SGO1: variants seen among roughly 807,000 people sequenced by gnomAD.
SGO1 encodes serologically defined breast cancer antigen NY-BR-85.
SGO1 carries 39 observed loss-of-function variants against 50.5 expected under a neutral mutation model. The ratio of observed to expected loss-of-function variants is 0.77; its 90% confidence interval spans 0.60 to 1.01. The LOEUF (loss-of-function observed/expected upper bound fraction) is 1.01. Among genes scored for constraint, SGO1 ranks in the 50% least tolerant of loss-of-function variants. The probability of loss-of-function intolerance (pLI) is 0.00; values close to 1 mark genes in which losing one functional copy is unlikely to be tolerated. For missense variants in SGO1, 638 were observed against 606.0 expected (o/e 1.05, Z -0.55); for synonymous variants, 191 against 205.1 (o/e 0.93, Z 0.59).
chr3:20,174,211 G>T (rs200549744), intron 6 of SGO1, 38 bp downstream of exon 6: 2 of 1,484,958 alleles, frequency 1.3e-6, no homozygotes, highest in Admixed American at 1.7e-5. Flanking sequence ...CATTTATCAC[G>T]AACATTAAAA....
In SGO1 at chr3:20,170,711, A is replaced by G. The variant is rs755106059; in HGVS notation, c.1577T>C (p.Ile526Thr). Reference sequence around the variant, plus strand: ...CAATATCCAACAAAACCTTCATTGTATTTGTTTCATACTTTTTTTAGAACG... The same window carrying G: ...CAATATCCAACAAAACCTTCATTGTGTTTGTTTCATACTTTTTTTAGAACG... ...LRRSKKSMKQ[I>T]Q Residue 526 changes from isoleucine to threonine, a missense_variant, in exon 8 of 8, where the codon ATA becomes ACA. Physicochemically the swap from Ile to Thr is moderately conservative, Grantham distance 89 (BLOSUM62 -1). Coordinates refer to ENST00000412997, the MANE Select transcript of SGO1 (RefSeq NM_001199251.3). 3 of 1,582,118 alleles carry G rather than the reference A, an allele frequency of 1.9e-6. No homozygotes were observed. The highest frequency in any genetic ancestry group is 1.7e-4 in the Middle Eastern group (1 of 5,864).
intron 7 of SGO1, 51 bp downstream of exon 7, chr3:20,170,992 T>G: frequency 6.6e-7 from 1 of 1,518,930 alleles, no homozygotes; most frequent in Non-Finnish European, 8.8e-7. Context: ...ATAACCTTAT[T>G]CCCCCCGACA....
intron 8 of SGO1, among the ~76,000 whole-genome samples, chr3:20,163,490 C>T (rs776472825): frequency 3.3e-5 from 5 of 152,176 alleles, no homozygotes; most frequent in Non-Finnish European, 5.9e-5. Flanking sequence ...TAACATCACA[C>T]GTAGGATTGC....
chr3:20,161,040 G>T (rs1227920623), exon 9 of SGO1: 6 of 1,606,800 alleles, frequency 3.7e-6, no homozygotes, highest in Non-Finnish European at 4.2e-6. Flanking sequence ...ATCTATTAAA[G>T]GTCTGCATAC....
Position 20,174,594 on chromosome 3 carries a change from T to C in SGO1, c.937A>G (p.Lys313Glu). The change falls in exon 6 of 8, where the codon AAA becomes GAA. Residue 313 changes from lysine to glutamate, a missense_variant. Transcript: ENST00000412997. Reference protein sequence around the residue: ...SKRMSKYKENKSENKKTVPQK... With the variant: ...SKRMSKYKENESENKKTVPQK... ...GGAACAGTTTTTTTATTTTCGCTTT[T>C]ATTCTCTTTATATTTTGACATACGT... The C allele has an allele frequency of 6.2e-7, 1 of 1,601,910 alleles. No homozygotes were observed. Among genetic ancestry groups the C allele is most frequent in the Non-Finnish European group, 8.5e-7 (1 of 1,175,994 alleles).
chr3:20,176,771 T>C lies in SGO1; in HGVS notation c.417-112A>G, dbSNP rs1476164134. On this transcript the variant is annotated intron_variant, in intron 4 of 7. Coordinates refer to ENST00000412997, the MANE Select transcript of SGO1 (RefSeq NM_001199251.3). ...CCTTTAGTATCATTTCATAATTCGA[T>C]TTCAAATCAATACATCTATTCTGTA... 5.9e-6 allele frequency: 4 copies of C among 683,708 alleles called. No individual in the cohort carries two copies. The East Asian group carries it at 1.2e-4, about 20-fold the overall frequency. The allele number at this position is 683,708 out of a possible 1,614,324, so 42.4% of individuals were successfully genotyped here.
rs1701129059 is a variant in SGO1, at chr3:20,174,439, A to G, written c.1092T>C (p.Ser364=). The change falls in exon 6 of 8, where the codon TCT becomes TCC. Residue 364 remains serine (S), a synonymous_variant. Transcript: ENST00000412997. ...CACTTGATTCACAGAGGCTCACTTC[A>G]GACTCGTTGTTTTCTTCTCTATTAG... is the stretch of plus-strand genomic sequence containing the variant. The part of the protein sequence containing the change: ...NDSNREENNE[S]EVSLCESSGS... 3 of 1,614,040 alleles carry G rather than the reference A, an allele frequency of 1.9e-6. No individual in the cohort carries two copies. Among genetic ancestry groups the G allele is most frequent in the Non-Finnish European group, 1.7e-6 (2 of 1,180,050 alleles).
In SGO1 at chr3:20,178,353, A is replaced by C; in HGVS notation, c.340-6T>G. 1 of 1,595,722 alleles carries C rather than the reference A, an allele frequency of 6.3e-7. No homozygotes were observed. Among genetic ancestry groups the C allele is most frequent in the Non-Finnish European group, 8.6e-7 (1 of 1,163,722 alleles). The stretch of plus-strand genomic sequence containing the variant: ...GAGGAACATATTTCCTGGTTCTGTT[A>C]ATGTATTAAAACAAAACACTGTTAT... On this transcript the variant is annotated splice_polypyrimidine_tract_variant and splice_region_variant and intron_variant, in intron 3 of 7. Coordinates refer to ENST00000412997, the MANE Select transcript of SGO1 (RefSeq NM_001199251.3).
intron 1 of SGO1, 101 bp from the exon 2 acceptor site, chr3:20,184,135 G>C (rs981976206): frequency 2.3e-5 from 20 of 869,014 alleles, no homozygotes; most frequent in Admixed American, 3.5e-5. Context: ...AGACTAAACT[G>C]TAGAATTAGC....
rs1395204113 is a variant in SGO1, at chr3:20,169,788, A to G, written c.*916T>C. The G allele has an allele frequency of 5.2e-6, 5 of 962,490 alleles. No individual in the cohort carries two copies. The highest frequency in any genetic ancestry group is 6.2e-6 in the Non-Finnish European group (5 of 809,008). The allele number at this position is 962,490 out of a possible 1,614,324, so 59.6% of individuals were successfully genotyped here. A position where few individuals can be genotyped will look rare whatever the true frequency, so the allele number is the denominator to read the frequency against. ...TATCTTGTCCCTGAGCCTAAAAAAG[A>G]ATCAATTTCTCTAGTCATTTTCCCA... On this transcript the variant is annotated 3_prime_UTR_variant, in exon 8 of 8. Coordinates refer to ENST00000412997, the MANE Select transcript of SGO1 (RefSeq NM_001199251.3).
chr3:20,170,893 A>G (rs1416201812), intron 7 of SGO1, 78 bp from the exon 8 acceptor site: 2 of 1,513,176 alleles, frequency 1.3e-6, no homozygotes, highest in Middle Eastern at 1.7e-4. Flanking sequence ...AAGTTATGGT[A>G]AAACACACCA....
At chr3:20,172,909 T>C (rs1172396255) in intron 6 of SGO1, among the ~76,000 whole-genome samples, 3 of 151,464 alleles carry the variant, frequency 2.0e-5, no homozygotes, top group African/African-American at 4.9e-5. Context: ...GAGACTGCAG[T>C]GAGCCATGAC....
At chr3:20,185,024 A>C (rs1476544775) in intron 1 of SGO1, among the ~76,000 whole-genome samples, 1 of 152,110 alleles carries the variant, frequency 6.6e-6, no homozygotes, top group Non-Finnish European at 1.5e-5. Context: ...ATTTTCCTAA[A>C]CCTTACACTT....
intron 1 of SGO1, among the ~76,000 whole-genome samples, chr3:20,185,279 TTTAG>T (rs1230967466): frequency 2.0e-5 from 3 of 152,008 alleles, no homozygotes; most frequent in Non-Finnish European, 4.4e-5. Context: ...ACGGATCTAG[TTTAG>T]TTAAGGTATT....
chr3:20,174,981 CATT>C lies in SGO1; in HGVS notation c.547_549del (p.Asn183del). 1 of 1,609,918 alleles carries C rather than the reference CATT, an allele frequency of 6.2e-7. No individual in the cohort carries two copies. The highest frequency in any genetic ancestry group is 8.5e-7 in the Non-Finnish European group (1 of 1,177,738). On this transcript the variant is annotated inframe_deletion, in exon 6 of 8. Transcript: ENST00000412997. ...CGAACAGATACAGTTCTAGGTAAGA[CATT>C]ATCAGTAGACTTAGCTTCACCTGAA...
intron 6 of SGO1, among the ~76,000 whole-genome samples, chr3:20,173,350 G>A (rs1420886950): frequency 6.6e-6 from 1 of 151,990 alleles, no homozygotes; most frequent in Admixed American, 6.6e-5. Flanking sequence ...ATGTTGGCCA[G>A]GCTGGTCTTG....
In SGO1 at chr3:20,169,500, T is replaced by C. The variant is rs1376364503; in HGVS notation, c.*1204A>G. On this transcript the variant is annotated 3_prime_UTR_variant, in exon 8 of 8. Transcript: ENST00000412997. ...AGCAATCACTATCTTATACAAACTT[T>C]ATTGCTCTTTAAAAATGAATAACCT... 2.0e-6 allele frequency: 2 copies of C among 979,726 alleles called. No individual in the cohort carries two copies. Among genetic ancestry groups the C allele is most frequent in the African/African-American group, 1.8e-5 (1 of 57,094 alleles). 60.7% of individuals were successfully genotyped at this position (979,726 alleles called of 1,614,324 possible). A position where few individuals can be genotyped will look rare whatever the true frequency, so the allele number is the denominator to read the frequency against.
Position 20,183,874 on chromosome 3 carries a change from A to C in SGO1, c.142+12T>G, listed in dbSNP as rs373201096. The C allele has an allele frequency of 3.2e-5, 52 of 1,604,314 alleles. No individual in the cohort carries two copies. The African/African-American group carries it at 6.1e-4, about 19-fold the overall frequency. On this transcript the variant is annotated intron_variant, in intron 2 of 7. Coordinates refer to ENST00000412997, the MANE Select transcript of SGO1 (RefSeq NM_001199251.3). ...AAAAGTGATATAAAAGGACAACATAAAAATCTCTTACTGATTATTTGGCAT... is the reference window on the plus strand; with the variant it reads ...AAAAGTGATATAAAAGGACAACATACAAATCTCTTACTGATTATTTGGCAT...
chr3:20,177,420 G>A (rs182736926), intron 4 of SGO1, among the ~76,000 whole-genome samples: 14 of 152,292 alleles, frequency 9.2e-5, no homozygotes, highest in Admixed American at 7.8e-4. Context: ...TACTTCTGTG[G>A]AGAAGGGGAT....
Sources: gnomAD v4.1 joint callset for allele counts (sites outside exome capture counted in the v4.1 genomes callset) on GRCh38, gnomAD v4.1.1 for gene constraint, MANE v1.5 for transcripts, NCBI Gene and HGNC (gene_info 2026-07-23, HGNC 2026-07-21) for gene names.